RUNX3: variants seen among roughly 807,000 people sequenced by gnomAD.
RUNX3 encodes the protein RUNX family transcription factor 3.
In RUNX3, 10 loss-of-function variants were observed where a neutral mutation model predicts 27.7. That is an observed-to-expected ratio of 0.36 (90% CI 0.22 to 0.61). The LOEUF is 0.61. Among genes scored for constraint, RUNX3 ranks in the 20% least tolerant of loss-of-function variants. The pLI is 0.72. For synonymous variants in RUNX3, 270 were observed against 269.2 expected, an observed-to-expected ratio of 1.00 and a Z score of -0.03; for missense variants, 469 against 629.5, an observed-to-expected ratio of 0.75 and a Z score of 2.73.
At position 24,929,574 on chromosome 1, in the gene RUNX3, G is replaced by GAGTGCCC. The variant is rs1301748235; in HGVS notation, c.282+12_282+13insGGGCACT. ...CAGGGCCGGCGCCCTCCCGCCCCGG[G>GAGTGCCC]TCCCGCACTCACCTTGAAGGCGACG... is the stretch of plus-strand genomic sequence containing the variant. On this transcript the variant is annotated intron_variant, in intron 1 of 4. Transcript: ENST00000308873. 8 of 1,599,152 alleles carry GAGTGCCC rather than the reference G, an allele frequency of 5.0e-6. No homozygotes were observed. In the African/African-American group the frequency reaches 1.1e-4, roughly 21 times the overall value.
At chr1:24,912,285 G>A (rs1056625876) in intron 3 of RUNX3, among the ~76,000 whole-genome samples, 3 of 152,160 alleles carry the variant, frequency 2.0e-5, no homozygotes, top group South Asian at 2.1e-4. Context: ...AAGATCAGCC[G>A]CTGGTCAGAG....
At chr1:24,941,410 G>T (rs974205867) in intron 2 of RUNX3, among the ~76,000 whole-genome samples, 3 of 152,198 alleles carry the variant, frequency 2.0e-5, no homozygotes, top group Admixed American at 6.5e-5. Flanking sequence ...AGTAACTAGC[G>T]TTATGTACAC....
chr1:24,945,008 A>G (rs1274929344), intron 2 of RUNX3, among the ~76,000 whole-genome samples: 1 of 152,214 alleles, frequency 6.6e-6, no homozygotes, highest in Non-Finnish European at 1.5e-5. Flanking sequence ...CAGCACATTT[A>G]TTAGTGCCTG....
In RUNX3 at chr1:24,962,574, A is replaced by G. The variant is rs553286153; in HGVS notation, c.58+1940T>C. 6.6e-6 allele frequency among the ~76,000 whole-genome samples: 1 copy of G among 152,342 alleles called. No homozygotes were observed. Among genetic ancestry groups the G allele is most frequent in the African/African-American group, 2.4e-5 (1 of 41,576 alleles). On this transcript the variant is annotated intron_variant, in intron 2 of 6. Transcript: ENST00000338888. This position sits in a 1 kb window ranked among gnomAD's most constrained non-coding sequence, Gnocchi z 4.5. The stretch of plus-strand genomic sequence containing the variant: ...TGAGCAGAAATGAACAGGAGAGAGA[A>G]GGCTGAAGAGGGGAGACAGGTCTCC...
At chr1:24,928,064 G>A (rs1039151131) in intron 1 of RUNX3, among the ~76,000 whole-genome samples, 1 of 152,212 alleles carries the variant, frequency 6.6e-6, no homozygotes, top group African/African-American at 2.4e-5. Flanking sequence ...TTCCCCTGTT[G>A]TCTTCGGCTG....
rs1339675309 is a variant in RUNX3 at position 24,902,139 on chromosome 1, C to T, written c.1231G>A (p.Val411Met). The T allele has an allele frequency of 5.1e-6, 8 of 1,554,338 alleles. No homozygotes were observed. Among genetic ancestry groups the T allele is most frequent in the East Asian group, 2.3e-5 (1 of 43,142 alleles). Residue 411 changes from valine (V) to methionine (M), a missense_variant, in exon 5 of 5, where the codon GTG becomes ATG. Val to Met is a conservative substitution (Grantham distance 21). Coordinates refer to ENST00000308873, the MANE Select transcript of RUNX3 (RefSeq NM_004350.3). The surrounding 1 kb of genome is among the most constrained non-coding windows in gnomAD (Gnocchi z 9.2). ...CAGGGCGGTCAGTAGGGCCGCCACA[C>T]GGCCTCATCCATGCGGCCTGGCGTG... is the stretch of plus-strand genomic sequence containing the variant. ...LSTPGRMDEA[V>M]WRPY
chr1:24,957,259 A>G (rs1641961344), intron 2 of RUNX3, among the ~76,000 whole-genome samples: 1 of 152,202 alleles, frequency 6.6e-6, no homozygotes, highest in African/African-American at 2.4e-5. Flanking sequence ...TCAAAGAAGA[A>G]GCCAGACAGT....
intron 2 of RUNX3, among the ~76,000 whole-genome samples, chr1:24,940,503 A>G (rs1032264880): frequency 1.3e-5 from 2 of 152,124 alleles, no homozygotes; most frequent in Admixed American, 6.5e-5. Flanking sequence ...CACATCCCCT[A>G]TTGTTGGTCT....
chr1:24,911,220 G>T (rs1396849688), intron 3 of RUNX3, among the ~76,000 whole-genome samples: 1 of 152,248 alleles, frequency 6.6e-6, no homozygotes, highest in African/African-American at 2.4e-5. Flanking sequence ...GAGTGCAAAG[G>T]ATCTGGGTGT....
intron 3 of RUNX3, among the ~76,000 whole-genome samples, chr1:24,917,501 T>A (rs923180989): frequency 2.2e-4 from 33 of 151,928 alleles, no homozygotes; most frequent in African/African-American, 7.0e-4. Context: ...TCGCCCCTGA[T>A]CTCCAGGTCC....
intron 2 of RUNX3, among the ~76,000 whole-genome samples, chr1:24,938,048 T>C (rs529833837): frequency 1.8e-4 from 27 of 152,344 alleles, no homozygotes; most frequent in Middle Eastern, 3.4e-3. Context: ...GGCACCTTGA[T>C]AAACTCAAAA....
rs1354670511 is a variant in RUNX3, at chr1:24,904,575, T to G, written c.704-1909A>C. 6.6e-6 allele frequency among the ~76,000 whole-genome samples: 1 copy of G among 152,040 alleles called. No homozygotes were observed. Among genetic ancestry groups the G allele is most frequent in the Admixed American group, 6.5e-5 (1 of 15,278 alleles). ...GGTCCTGTTGCAGGTGCTGGGCACGTCAGCACAGCTGAGATGGGTGGGGTG... is the reference window on the plus strand; with the variant it reads ...GGTCCTGTTGCAGGTGCTGGGCACGGCAGCACAGCTGAGATGGGTGGGGTG... On this transcript the variant is annotated intron_variant, in intron 4 of 4. Transcript: ENST00000308873. This position sits in a 1 kb window ranked among gnomAD's most constrained non-coding sequence, Gnocchi z 5.7.
intron 2 of RUNX3, among the ~76,000 whole-genome samples, chr1:24,947,434 A>G (rs1439805123): frequency 6.6e-6 from 1 of 152,108 alleles, no homozygotes; most frequent in Non-Finnish European, 1.5e-5. Flanking sequence ...GGCGGCTCTG[A>G]GCACAGTGGG....
chr1:24,949,442 C>A (rs750982895), intron 2 of RUNX3, among the ~76,000 whole-genome samples: 1 of 152,158 alleles, frequency 6.6e-6, no homozygotes, highest in Non-Finnish European at 1.5e-5. Context: ...GTGACTCAGA[C>A]CCTGCCCAGC....
rs548549684 is a variant in RUNX3 at position 24,901,419 on chromosome 1, T to C, written c.*703A>G. The C allele has an allele frequency of 2.5e-4, 38 of 152,846 alleles. No individual in the cohort carries two copies. The highest frequency in any genetic ancestry group is 9.2e-4 in the African/African-American group (38 of 41,490). 9.5% of individuals were successfully genotyped at this position (152,846 alleles called of 1,614,324 possible). A position where few individuals can be genotyped will look rare whatever the true frequency, so the allele number is the denominator to read the frequency against. ...TGCTTTCCTGGGTTTAAGAACCTGA[T>C]GCCATAGACTCATCTTCTCTGGGGC... On this transcript the variant is annotated 3_prime_UTR_variant, in exon 5 of 5. Coordinates refer to ENST00000308873, the MANE Select transcript of RUNX3 (RefSeq NM_004350.3).
chr1:24,963,927 T>C (rs186681812), intron 2 of RUNX3, among the ~76,000 whole-genome samples: 199 of 152,264 alleles, frequency 1.3e-3, no homozygotes, highest in African/African-American at 4.5e-3. Context: ...CCACGAACTT[T>C]CTCGAGGTCT....
intron 2 of RUNX3, among the ~76,000 whole-genome samples, chr1:24,938,746 T>G (rs1435482883): frequency 6.6e-6 from 1 of 152,134 alleles, no homozygotes; most frequent in Non-Finnish European, 1.5e-5. Flanking sequence ...GATTAGGCCC[T>G]CTTTGCCCTT....
At chr1:24,959,420 C>T (rs1465019804) in intron 2 of RUNX3, among the ~76,000 whole-genome samples, 1 of 152,208 alleles carries the variant, frequency 6.6e-6, no homozygotes, top group Admixed American at 6.5e-5. Context: ...AAGCCGCCAT[C>T]AAAGGGACCT....
intron 2 of RUNX3, among the ~76,000 whole-genome samples, chr1:24,956,070 CG>C (rs746730471): frequency 2.0e-5 from 3 of 152,222 alleles, no homozygotes; most frequent in Admixed American, 1.3e-4. Flanking sequence ...CTGCGCAGCC[CG>C]GGGCAGACCC....
Sources: gnomAD v4.1 joint callset for allele counts (sites outside exome capture counted in the v4.1 genomes callset) on GRCh38, gnomAD v4.1.1 for gene constraint, Gnocchi (gnomAD v3.1) non-coding constraint, MANE v1.5 for transcripts, NCBI Gene and HGNC (gene_info 2026-07-23, HGNC 2026-07-21) for gene names.